NLRP1: variants seen among roughly 807,000 people sequenced by gnomAD.
NLRP1 encodes the protein NLR family pyrin domain containing 1.
Under a neutral mutation model 136.7 loss-of-function variants are expected in NLRP1, and 94 were observed. The ratio of observed to expected loss-of-function variants is 0.69; its 90% CI spans 0.58 to 0.82. The LOEUF is 0.82. Ranked by LOEUF, NLRP1 falls within the 40% of genes least tolerant of loss-of-function variation. NLRP1 has a pLI of 0.00. For missense variants in NLRP1, 1,575 were observed against 1,802.7 expected, an observed-to-expected ratio of 0.87 and a Z score of 2.29; for synonymous variants, 690 against 725.1, an observed-to-expected ratio of 0.95 and a Z score of 0.78.
chr17:5,563,444 T>A (rs901251683), intron 3 of NLRP1, among the ~76,000 whole-genome samples: 1 of 152,226 alleles, frequency 6.6e-6, no homozygotes, highest in African/African-American at 2.4e-5. Context: ...ACTGATCTGA[T>A]AGAGCTGGAA....
intron 4 of NLRP1, 74 bp from the exon 5 acceptor site, chr17:5,553,630 C>CTGTGTTGT: frequency 7.2e-7 from 1 of 1,390,530 alleles, no homozygotes; most frequent in Non-Finnish European, 1.0e-6. Context: ...CCCTGCACAA[C>CTGTGTTGT]ACAGTTGGGC....
chr17:5,506,253 C>G (rs1907329828), intron 15 of NLRP1, among the ~76,000 whole-genome samples: 1 of 148,304 alleles, frequency 6.7e-6, no homozygotes, highest in Non-Finnish European at 1.5e-5. Context: ...CATTGCACTC[C>G]AGTCTGGGCA....
chr17:5,514,725 C>G lies in NLRP1; in HGVS notation c.*29G>C, dbSNP rs1907861827. The G allele has an allele frequency of 6.2e-7, 1 of 1,608,872 alleles. No homozygotes were observed. The highest frequency in any genetic ancestry group is 2.2e-5 in the East Asian group (1 of 44,734). On this transcript the variant is annotated 3_prime_UTR_variant, in exon 17 of 17. Coordinates refer to ENST00000572272, the MANE Select transcript of NLRP1 (RefSeq NM_033004.4). ...AAAGAAGGGTCAGCCAAAGCCAGGACTCAAGGGTCAAGGGCTGGTGTTGAT... is the reference window on the plus strand; with the variant it reads ...AAAGAAGGGTCAGCCAAAGCCAGGAGTCAAGGGTCAAGGGCTGGTGTTGAT...
exon 16 of NLRP1, chr17:5,501,712 A>T: frequency 2.3e-6 from 2 of 859,558 alleles, no homozygotes; most frequent in Non-Finnish European, 2.0e-6. Context: ...GACCTGCCTC[A>T]CCTAAGCCCA....
chr17:5,552,683 T>C (rs1567655130), intron 5 of NLRP1, among the ~76,000 whole-genome samples: 1 of 152,192 alleles, frequency 6.6e-6, no homozygotes, highest in Non-Finnish European at 1.5e-5. Flanking sequence ...CTTTTATAGC[T>C]CTCTTACATC....
chr17:5,536,907 C>A lies in NLRP1; in HGVS notation c.2904G>T (p.Arg968Ser). 6 of 1,613,622 alleles carry A rather than the reference C, an allele frequency of 3.7e-6. No homozygotes were observed. Among genetic ancestry groups the A allele is most frequent in the Non-Finnish European group, 5.1e-6 (6 of 1,179,536 alleles). Residue 968 changes from arginine to serine, a missense_variant, in exon 8 of 17, where the codon AGG becomes AGT. Physicochemically the swap from Arg to Ser is moderately radical, Grantham distance 110 (BLOSUM62 -1). Coordinates refer to ENST00000572272, the MANE Select transcript of NLRP1 (RefSeq NM_033004.4). ...LDQTTLSDEM[R>S]QELRALEQEK... Reference sequence around the variant, plus strand: ...CCTGCTCCAGGGCCCTCAGTTCCTGCCTCATCTCATCACTCAGAGTTGTCT... The same window carrying A: ...CCTGCTCCAGGGCCCTCAGTTCCTGACTCATCTCATCACTCAGAGTTGTCT...
chr17:5,546,651 T>C (rs550821759), intron 5 of NLRP1, among the ~76,000 whole-genome samples: 3 of 152,026 alleles, frequency 2.0e-5, no homozygotes, highest in African/African-American at 4.8e-5. Context: ...AAGCCAGACA[T>C]AGAAAGAAAA....
At position 5,530,832 on chromosome 17, in the gene NLRP1, G is replaced by A. The variant is rs1486446042; in HGVS notation, c.3297-128C>T. 1.3e-5 allele frequency: 9 copies of A among 675,960 alleles called. No homozygotes were observed. The South Asian group carries it at 1.6e-4, about 12-fold the overall frequency. 41.9% of individuals were successfully genotyped at this position (675,960 alleles called of 1,614,324 possible). ...TCAAGCCCAGACTTCGGAATCAGAT[G>A]GACTTGCATTTTAGTCCTGGCTCTT... On this transcript the variant is annotated intron_variant, in intron 11 of 16. Transcript: ENST00000572272.
downstream of NLRP1, among the ~76,000 whole-genome samples, chr17:5,510,027 G>C (rs991550358): frequency 6.6e-6 from 1 of 151,496 alleles, no homozygotes; most frequent in Non-Finnish European, 1.5e-5. Flanking sequence ...TGAGGAAGTT[G>C]CCATCTATCT....
rs201494607 is a variant in NLRP1 at position 5,539,453 on chromosome 17, C to G, written c.2832G>C (p.Glu944Asp). The change falls in exon 7 of 17, where the codon GAG (glutamate) becomes GAC (aspartate). Residue 944 changes from glutamate to aspartate, a missense_variant. By Grantham distance (45) the Glu-to-Asp change is conservative. Transcript: ENST00000572272. ...GTTTGCAGGCAGGATGCCTGAGCCC[C>G]TCACAGAGCAGTCGCACGCCAACGT... ...LDDVGVRLLC[E>D]GLRHPACKLI... The G allele has an allele frequency of 1.2e-6, 2 of 1,613,972 alleles. No individual in the cohort carries two copies. Among genetic ancestry groups the G allele is most frequent in the Non-Finnish European group, 1.7e-6 (2 of 1,179,994 alleles).
chr17:5,510,549 G>A (rs1182713584), downstream of NLRP1, among the ~76,000 whole-genome samples: 1 of 152,088 alleles, frequency 6.6e-6, no homozygotes, highest in African/African-American at 2.4e-5. Flanking sequence ...TGTAGAGACA[G>A]AGTTTCACCA....
At chr17:5,545,513 TACAC>T (rs1160895790) in intron 5 of NLRP1, among the ~76,000 whole-genome samples, 32 of 108,576 alleles carry the variant, frequency 2.9e-4, no homozygotes, top group African/African-American at 9.2e-4. Context: ...CACACACACA[TACAC>T]ACACAGACAC....
chr17:5,572,789 T>C (rs1159537661), intron 3 of NLRP1, among the ~76,000 whole-genome samples: 3 of 150,828 alleles, frequency 2.0e-5, no homozygotes, highest in Admixed American at 6.6e-5. Context: ...CAACAGCATA[T>C]GAAAAAATGC....
intron 4 of NLRP1, among the ~76,000 whole-genome samples, chr17:5,558,049 G>A (rs1914279891): frequency 6.6e-6 from 1 of 152,116 alleles, no homozygotes; most frequent in Non-Finnish European, 1.5e-5. Context: ...GCACGTCCAG[G>A]AGAGAAGATG....
chr17:5,553,192 C>A (rs1339257999), intron 5 of NLRP1, among the ~76,000 whole-genome samples, 194 bp downstream of exon 5: 1 of 150,470 alleles, frequency 6.6e-6, no homozygotes, highest in Non-Finnish European at 1.5e-5. Flanking sequence ...CCTCAAACCT[C>A]ACTTCATGAA....
In NLRP1 at chr17:5,568,880, T is replaced by C. The variant is rs532092749; in HGVS notation, c.653-8837A>G. Among the ~76,000 whole-genome samples, 4 of 152,288 alleles carry C rather than the reference T, an allele frequency of 2.6e-5. 1 individual carries two copies. The South Asian group carries it at 8.3e-4, about 32-fold the overall frequency. On this transcript the variant is annotated intron_variant, in intron 3 of 16. Transcript: ENST00000572272. ...AGGCAGAGACTCTTGTTCTCTTTCC[T>C]TACTTTCTGCCAAACATACAGTCTC...
downstream of NLRP1, chr17:5,512,483 T>C: frequency 1.4e-6 from 1 of 689,754 alleles, no homozygotes; most frequent in South Asian, 1.7e-5. Flanking sequence ...ATTGCATTTT[T>C]CTTTGCCCCT....
At chr17:5,566,207 T>C (rs1364515987) in intron 3 of NLRP1, among the ~76,000 whole-genome samples, 1 of 152,124 alleles carries the variant, frequency 6.6e-6, no homozygotes, top group African/African-American at 2.4e-5. Flanking sequence ...TTTCATCTAC[T>C]AATAGTGGGT....
intron 12 of NLRP1, among the ~76,000 whole-genome samples, chr17:5,525,480 C>T (rs1416546843): frequency 2.0e-5 from 3 of 152,354 alleles, no homozygotes; most frequent in African/African-American, 7.2e-5. Flanking sequence ...AGATGCTGCC[C>T]TTGGGCCTGT....
Sources: gnomAD v4.1 joint callset for allele counts (sites outside exome capture counted in the v4.1 genomes callset) on GRCh38, gnomAD v4.1.1 for gene constraint, MANE v1.5 for transcripts, NCBI Gene and HGNC (gene_info 2026-07-23, HGNC 2026-07-21) for gene names.